Variants in ATP2B2 observed in about 807,000 individuals in gnomAD.
ATP2B2 encodes ATPase plasma membrane Ca2+ transporting 2, also known as plasma membrane calcium-transporting ATPase 2.
In ATP2B2, 15 loss-of-function variants were observed where a neutral mutation model predicts 120.0. The ratio of observed to expected loss-of-function variants is 0.12; its 90% confidence interval spans 0.08 to 0.19. The LOEUF (loss-of-function observed/expected upper bound fraction) is 0.19, where lower values mean the gene tolerates loss of function less well. Among genes scored for constraint, ATP2B2 ranks in the 10% least tolerant of loss-of-function variants. The pLI, the probability that ATP2B2 is intolerant of heterozygous loss-of-function variation, is 1.00. For missense variants in ATP2B2, 1,045 were observed against 1,719.8 expected (o/e 0.61, Z 6.94); for synonymous variants, 694 against 700.3 (o/e 0.99, Z 0.14).
At chr3:10,618,374 G>A (rs1054274783) in intron 2 of ATP2B2, among the ~76,000 whole-genome samples, 16 of 152,128 alleles carry the variant, frequency 1.1e-4, no homozygotes, top group South Asian at 4.2e-4. Context: ...CAGTTCCCAC[G>A]CAAATTAGCA....
At chr3:10,586,560 GTC>G (rs2068514352) in intron 2 of ATP2B2, among the ~76,000 whole-genome samples, 1 of 152,198 alleles carries the variant, frequency 6.6e-6, no homozygotes, top group African/African-American at 2.4e-5. Flanking sequence ...TTTGGCACTA[GTC>G]TGTCTCCCCA....
At chr3:10,529,618 G>T (rs1224437690) in intron 3 of ATP2B2, among the ~76,000 whole-genome samples, 1 of 152,182 alleles carries the variant, frequency 6.6e-6, no homozygotes, top group African/African-American at 2.4e-5. Flanking sequence ...AGAACTGGTG[G>T]TCTGTCCAGA....
intron 2 of ATP2B2, among the ~76,000 whole-genome samples, chr3:10,412,612 C>T (rs79382957): frequency 0.056 from 8,518 of 152,164 alleles, 827 homozygotes; most frequent in African/African-American, 0.19. Flanking sequence ...AGGACAGTGG[C>T]CCTCTGCCTT....
At chr3:10,369,194 T>G (rs1362592129) in intron 12 of ATP2B2, among the ~76,000 whole-genome samples, 1 of 152,202 alleles carries the variant, frequency 6.6e-6, no homozygotes, top group Admixed American at 6.5e-5. Context: ...GGGTTCAGAA[T>G]GTCCTGCAAT....
chr3:10,705,172 TC>T (rs901319864), intron 1 of ATP2B2, among the ~76,000 whole-genome samples: 8 of 152,366 alleles, frequency 5.3e-5, no homozygotes, highest in Admixed American at 1.3e-4. Flanking sequence ...CTCTTTGCTC[TC>T]TACCTACAGA....
chr3:10,498,756 G>A (rs75232533), intron 1 of ATP2B2, among the ~76,000 whole-genome samples: 6,204 of 152,248 alleles, frequency 0.041, 394 homozygotes, highest in African/African-American at 0.13. Context: ...GACCCCAAAC[G>A]GTGTCATCCA....
At chr3:10,585,345 G>GT (rs2068482175) in intron 2 of ATP2B2, among the ~76,000 whole-genome samples, 1 of 151,146 alleles carries the variant, frequency 6.6e-6, no homozygotes, top group South Asian at 2.1e-4. Flanking sequence ...AATACAAAAA[G>GT]TTAGCTGGGT....
rs1401210854 is a variant in ATP2B2 at position 10,358,674 on chromosome 3, C to T, written c.2136+17G>A. The T allele has an allele frequency of 6.2e-7, 1 of 1,613,816 alleles. No individual in the cohort carries two copies. Among genetic ancestry groups the T allele is most frequent in the Admixed American group, 1.7e-5 (1 of 60,006 alleles). Reference sequence around the variant, plus strand: ...GCCTCATCCCCTTTCCCTGAGCTCGCTGGCCCTGGGGCCTACCTCTGGCCG... The same window carrying T: ...GCCTCATCCCCTTTCCCTGAGCTCGTTGGCCCTGGGGCCTACCTCTGGCCG... On this transcript the variant is annotated intron_variant, in intron 14 of 22. Coordinates refer to ENST00000360273, the MANE Select transcript of ATP2B2 (RefSeq NM_001001331.4).
intron 1 of ATP2B2, among the ~76,000 whole-genome samples, chr3:10,659,512 T>G (rs141867091): frequency 0.041 from 6,181 of 152,180 alleles, 159 homozygotes; most frequent in South Asian, 0.092. Flanking sequence ...CATTACATAA[T>G]GGTAAAGGGA....
intron 2 of ATP2B2, among the ~76,000 whole-genome samples, chr3:10,418,628 G>T (rs2062868825): frequency 6.6e-6 from 1 of 152,182 alleles, no homozygotes; most frequent in Admixed American, 6.5e-5. Context: ...CCAGCAAAGT[G>T]ACCCCAGAGA....
intron 10 of ATP2B2, among the ~76,000 whole-genome samples, chr3:10,376,033 G>A (rs544866892): frequency 5.3e-5 from 8 of 152,260 alleles, no homozygotes; most frequent in Admixed American, 2.0e-4. Context: ...CAATAATGAC[G>A]TGAAGTTGGT....
intron 1 of ATP2B2, among the ~76,000 whole-genome samples, chr3:10,636,804 C>T (rs1219458693): frequency 6.6e-6 from 1 of 152,076 alleles, no homozygotes; most frequent in Non-Finnish European, 1.5e-5. Context: ...GCTAAGAGTC[C>T]AGGACAGAGC....
chr3:10,595,665 G>A (rs903022963), intron 2 of ATP2B2, among the ~76,000 whole-genome samples: 4 of 152,018 alleles, frequency 2.6e-5, no homozygotes, highest in Non-Finnish European at 5.9e-5. Context: ...CTTCCATTAA[G>A]CATATTACAT....
At chr3:10,583,243 T>C (rs756206853) in intron 2 of ATP2B2, among the ~76,000 whole-genome samples, 1 of 152,238 alleles carries the variant, frequency 6.6e-6, no homozygotes, top group African/African-American at 2.4e-5. Context: ...AAGGATTGCA[T>C]TCTGTGTGAT....
intron 16 of ATP2B2, 62 bp downstream of exon 16, chr3:10,350,050 G>C: frequency 6.5e-7 from 1 of 1,536,838 alleles, no homozygotes; most frequent in Non-Finnish European, 9.0e-7. Context: ...GCCAGGAGAG[G>C]AGGGCCCAGC....
Position 10,340,128 on chromosome 3 carries a change from G to C in ATP2B2, c.3237+114C>G. On this transcript the variant is annotated intron_variant, in intron 21 of 22. Coordinates refer to ENST00000360273, the MANE Select transcript of ATP2B2 (RefSeq NM_001001331.4). The surrounding 1 kb of genome is among the most constrained non-coding windows in gnomAD (Gnocchi z 5.0). ...CCCTTGCTCAGATGTCCAGAGATAG[G>C]GAGGAGCTTGCCTGGGGTCTGGCAG... 1 of 960,550 alleles carries C rather than the reference G, an allele frequency of 1.0e-6. No individual in the cohort carries two copies. Among genetic ancestry groups the C allele is most frequent in the Non-Finnish European group, 1.6e-6 (1 of 613,560 alleles). 59.5% of individuals were successfully genotyped at this position (960,550 alleles called of 1,614,324 possible). A position where few individuals can be genotyped will look rare whatever the true frequency, so the allele number is the denominator to read the frequency against.
chr3:10,634,861 T>A (rs994511708), intron 1 of ATP2B2, among the ~76,000 whole-genome samples: 2 of 152,124 alleles, frequency 1.3e-5, no homozygotes, highest in African/African-American at 4.8e-5. Context: ...AATACAAATC[T>A]CCTCTATTCC....
intron 3 of ATP2B2, among the ~76,000 whole-genome samples, chr3:10,407,874 T>G (rs1283954517): frequency 1.3e-5 from 2 of 152,128 alleles, no homozygotes; most frequent in Non-Finnish European, 2.9e-5. Context: ...ACAGGGCAAG[T>G]GCTATCATTC....
intron 1 of ATP2B2, among the ~76,000 whole-genome samples, chr3:10,660,506 G>T (rs571118396): frequency 6.6e-6 from 1 of 152,236 alleles, no homozygotes; most frequent in Admixed American, 6.5e-5. Flanking sequence ...AGAAGAAATG[G>T]ATAAATTCCT....
Sources: gnomAD v4.1 joint callset for allele counts (sites outside exome capture counted in the v4.1 genomes callset) on GRCh38, gnomAD v4.1.1 for gene constraint, Gnocchi (gnomAD v3.1) non-coding constraint, MANE v1.5 for transcripts, NCBI Gene and HGNC (gene_info 2026-07-23, HGNC 2026-07-21) for gene names.